USH1C: variants seen among roughly 807,000 people sequenced by gnomAD.
The protein encoded by USH1C is harmonin.
A neutral mutation model predicts 119.3 loss-of-function variants in USH1C; 90 were observed. The ratio of observed to expected loss-of-function variants is 0.75; its 90% CI spans 0.64 to 0.90. USH1C has a LOEUF of 0.90. Among genes scored for constraint, USH1C ranks in the 40% least tolerant of loss-of-function variants. The pLI, the probability that USH1C is intolerant of heterozygous loss-of-function variation, is 0.00. For missense variants in USH1C, 1,165 were observed against 1,167.7 expected (o/e 1.00, Z 0.03); for synonymous variants, 465 against 443.3 (o/e 1.05, Z -0.62).
At chr11:17,516,704 C>A (rs1394444863) in intron 14 of USH1C, 1 of 311,724 alleles carries the variant, frequency 3.2e-6, no homozygotes, top group South Asian at 3.2e-5. Context: ...AAAAATGGCT[C>A]GAGACAAAAG....
chr11:17,512,866 A>G (rs7107406), intron 15 of USH1C, among the ~76,000 whole-genome samples: 9,653 of 152,238 alleles, frequency 0.063, 431 homozygotes, highest in South Asian at 0.23. Flanking sequence ...GGGGAGGGAC[A>G]TGAAAGGCAA....
At chr11:17,544,228 G>A (rs763170559) in intron 1 of USH1C, 44 bp downstream of exon 1, 2 of 1,613,514 alleles carry the variant, frequency 1.2e-6, no homozygotes, top group Non-Finnish European at 1.7e-6. Context: ...ACCGCGCCCA[G>A]GACTCCGGAG....
At position 17,515,065 on chromosome 11, in the gene USH1C, TTG is replaced by T. The variant is rs61540326; in HGVS notation, c.1260+1174_1260+1175del. Among the ~76,000 whole-genome samples, 32 of 150,338 alleles carry T rather than the reference TTG, an allele frequency of 2.1e-4. 1 individual carries two copies. Among genetic ancestry groups the T allele is most frequent in the Admixed American group, 4.0e-4 (6 of 15,130 alleles). ...CCTATGTGTGCATGTGTGTGTGTGC[TTG>T]TGTGTGTGTGTGTGTGTTTTGTCCT... On this transcript the variant is annotated intron_variant, in intron 15 of 26. Coordinates refer to ENST00000005226, the MANE Select transcript of USH1C (RefSeq NM_153676.4).
In USH1C at chr11:17,531,481, G is replaced by T. The variant is rs774197490; in HGVS notation, c.166C>A (p.Leu56Met). 2 of 1,614,038 alleles carry T rather than the reference G, an allele frequency of 1.2e-6. No individual in the cohort carries two copies. The highest frequency in any genetic ancestry group is 8.5e-7 in the Non-Finnish European group (1 of 1,180,040). The change falls in exon 3 of 27, where the codon CTG (leucine) becomes ATG (methionine). Residue 56 changes from leucine to methionine, a missense_variant. Physicochemically the swap from Leu to Met is conservative, Grantham distance 15. Transcript: ENST00000005226. This position sits in a 1 kb window ranked among gnomAD's most constrained non-coding sequence, Gnocchi z 4.2. Reference sequence around the variant, plus strand: ...GGCCGAATGGCATCAAACAGAGGCAGACGGCTGGGTTCATTGATGACCAGC... The same window carrying T: ...GGCCGAATGGCATCAAACAGAGGCATACGGCTGGGTTCATTGATGACCAGC... ...LKLVINEPSR[L>M]PLFDAIRPLI...
intron 1 of USH1C, among the ~76,000 whole-genome samples, chr11:17,536,646 C>T (rs1851242300): frequency 1.3e-5 from 2 of 152,196 alleles, no homozygotes; most frequent in Non-Finnish European, 2.9e-5. Flanking sequence ...CATGTCCACC[C>T]ACTGTCACCG....
At chr11:17,506,719 G>A (rs1315021545) in intron 18 of USH1C, among the ~76,000 whole-genome samples, 1 of 152,218 alleles carries the variant, frequency 6.6e-6, no homozygotes, top group Non-Finnish European at 1.5e-5. Context: ...TAGGTCTTAA[G>A]TTGGGCGTCA....
chr11:17,533,321 A>G lies in USH1C; in HGVS notation c.38T>C (p.Val13Ala), dbSNP rs757473472. Residue 13 changes from valine to alanine, a missense_variant and splice_region_variant, in exon 2 of 27, where the codon GTG becomes GCG. Coordinates refer to ENST00000005226, the MANE Select transcript of USH1C (RefSeq NM_153676.4). ...RKVAREFRHK[V>A]DFLIENDAEK... ...TGCATCATTTTCAATCAGAAAATCC[A>G]CCTGGAAAATCCAATAGCAGAATCA... 6.2e-7 allele frequency: 1 copy of G among 1,611,444 alleles called. No homozygotes were observed. Among genetic ancestry groups the G allele is most frequent in the Middle Eastern group, 1.7e-4 (1 of 6,044 alleles).
chr11:17,544,129 A>G (rs1851596318), intron 1 of USH1C, 143 bp downstream of exon 1: 1 of 1,055,826 alleles, frequency 9.5e-7, no homozygotes, highest in Non-Finnish European at 1.4e-6. Flanking sequence ...GCTGCCAGCC[A>G]GACGACCCTC....
rs138123405 is a variant in USH1C at position 17,496,765 on chromosome 11, C to T, written c.2539G>A (p.Asp847Asn). The change falls in exon 25 of 27, where the codon GAT becomes AAT. Residue 847 changes from aspartate to asparagine, a missense_variant. Transcript: ENST00000005226. ...VAVCPPKEYDDELASLPSSVA... is the reference protein window; with the variant it reads ...VAVCPPKEYDNELASLPSSVA... ...GTGCTTGCACACACTTACAGCTCAT[C>T]GTCATACTCCTTTGGGGGGCAGACG... 3.8e-5 allele frequency: 61 copies of T among 1,614,186 alleles called. No homozygotes were observed. In the African/African-American group the frequency reaches 6.3e-4, roughly 17 times the overall value.
chr11:17,507,975 G>T (rs1849715183), intron 18 of USH1C, among the ~76,000 whole-genome samples: 1 of 152,162 alleles, frequency 6.6e-6, no homozygotes, highest in Non-Finnish European at 1.5e-5. Flanking sequence ...TCATCCTTCA[G>T]ATGGCAAAGT....
In USH1C at chr11:17,531,270, C is replaced by G; in HGVS notation, c.271G>C (p.Asp91His). 6.2e-7 allele frequency: 1 copy of G among 1,614,122 alleles called. No homozygotes were observed. The highest frequency in any genetic ancestry group is 8.5e-7 in the Non-Finnish European group (1 of 1,180,036). Residue 91 changes from aspartate to histidine, a missense_variant, in exon 4 of 27, where the codon GAC (aspartate) becomes CAC (histidine). Coordinates refer to ENST00000005226, the MANE Select transcript of USH1C (RefSeq NM_153676.4). This position sits in a 1 kb window ranked among gnomAD's most constrained non-coding sequence, Gnocchi z 4.2. Reference protein sequence around the residue: ...RSRKLKEVRLDRLHPEGLGLS... With the variant: ...RSRKLKEVRLHRLHPEGLGLS... ...CCGAGGCCTTCGGGGTGCAGACGGT[C>G]CAGACGCACCTCCTTCAGCTTCCTG... is the stretch of plus-strand genomic sequence containing the variant.
chr11:17,531,533 G>A lies in USH1C; in HGVS notation c.114C>T (p.Asp38=), dbSNP rs137962152. ...DVLRMYHQTM[D]VAVLVGDLKL... The stretch of plus-strand genomic sequence containing the variant: ...TCAGGTCTCCCACGAGCACGGCCAC[G>A]TCCATGGTCCTGTGGAGATGCCGGG... Residue 38 remains aspartate (D), a synonymous_variant, in exon 3 of 27, where the codon GAC becomes GAT. Transcript: ENST00000005226. This position sits in a 1 kb window ranked among gnomAD's most constrained non-coding sequence, Gnocchi z 4.2. The A allele has an allele frequency of 1.3e-3, 2,153 of 1,613,242 alleles. 4 individuals are homozygous for A. Among genetic ancestry groups the A allele is most frequent in the Non-Finnish European group, 1.7e-3 (2,017 of 1,180,016 alleles).
In USH1C at chr11:17,517,330, A is replaced by AC. The variant is rs1850196959; in HGVS notation, c.1211-1041dup. The AC allele has an allele frequency of 1.7e-5, 25 of 1,476,608 alleles. No individual in the cohort carries two copies. In the South Asian group the frequency reaches 3.0e-4, roughly 18 times the overall value. 91.5% of individuals were successfully genotyped at this position (1,476,608 alleles called of 1,614,324 possible). ...TGGGCCCCTGAAGCTGGGTGTCTGC[A>AC]CTGCGGTCAGGAGGAGGCGGGCAGG... On this transcript the variant is annotated intron_variant, in intron 14 of 26. Transcript: ENST00000005226.
At chr11:17,540,595 C>T (rs779140937) in intron 1 of USH1C, among the ~76,000 whole-genome samples, 3 of 152,182 alleles carry the variant, frequency 2.0e-5, no homozygotes, top group Non-Finnish European at 2.9e-5. Flanking sequence ...CGAAGTGGAA[C>T]GCTAGGTTTC....
chr11:17,499,587 C>A (rs1325184420), intron 23 of USH1C, among the ~76,000 whole-genome samples: 2 of 152,184 alleles, frequency 1.3e-5, no homozygotes, highest in South Asian at 2.1e-4. Flanking sequence ...GAAGTGTCAC[C>A]AGGTGACAGA....
rs16770 is a variant in USH1C at position 17,517,225 on chromosome 11, C to T, written c.1211-935G>A. Among the ~76,000 whole-genome samples, 24,414 of 152,108 alleles carry T rather than the reference C, an allele frequency of 0.16. 2,364 individuals carry two copies. The highest frequency in any genetic ancestry group is 0.27 in the African/African-American group (11,070 of 41,506). On this transcript the variant is annotated intron_variant, in intron 14 of 26. Transcript: ENST00000005226. ...TACCAGCCTGGGCATTGAGTCCTGT[C>T]GTCTAGGCTTTGTGTACAGTGCTTG...
In USH1C at chr11:17,533,287, G is replaced by T. The variant is rs759929001; in HGVS notation, c.72C>A (p.Asp24Glu). The T allele has an allele frequency of 6.2e-7, 1 of 1,613,838 alleles. No homozygotes were observed. The highest frequency in any genetic ancestry group is 8.5e-7 in the Non-Finnish European group (1 of 1,179,892). ...ACATTCGCAGCACATCATAGAGATA[G>T]TCCTTCTCTGCATCATTTTCAATCA... ...DFLIENDAEK[D>E]YLYDVLRMYH... The change falls in exon 2 of 27, where the codon GAC (aspartate) becomes GAA (glutamate). Residue 24 changes from aspartate to glutamate, a missense_variant. Transcript: ENST00000005226.
At chr11:17,523,104 C>A in intron 11 of USH1C, 107 bp downstream of exon 11, 1 of 1,589,496 alleles carries the variant, frequency 6.3e-7, no homozygotes, top group Non-Finnish European at 8.6e-7. Flanking sequence ...TCTGTCAGAG[C>A]TTCAGGGAAG....
chr11:17,508,224 C>G (rs1253139129), intron 18 of USH1C, among the ~76,000 whole-genome samples: 2 of 152,234 alleles, frequency 1.3e-5, no homozygotes, highest in African/African-American at 4.8e-5. Flanking sequence ...CGAGAACAGG[C>G]AGATTTCTTC....
Sources: allele counts gnomAD v4.1 joint callset (sites outside exome capture counted in the v4.1 genomes callset), GRCh38; gene constraint gnomAD v4.1.1; non-coding constraint Gnocchi (gnomAD v3.1); transcripts MANE v1.5; gene names NCBI Gene and HGNC (gene_info 2026-07-23, HGNC 2026-07-21).